AOX1: variants seen among roughly 807,000 people sequenced by gnomAD.
AOX1 encodes aldehyde oxidase 1, also known as aldehyde oxidase.
Under a neutral mutation model 169.5 loss-of-function variants are expected in AOX1, and 153 were observed. The ratio of observed to expected loss-of-function variants is 0.90; its 90% confidence interval spans 0.79 to 1.03. The LOEUF is 1.03. Among genes scored for constraint, AOX1 ranks in the 50% least tolerant of loss-of-function variants. The pLI, the probability that AOX1 is intolerant of heterozygous loss-of-function variation, is 0.00. For missense variants in AOX1, 1,656 were observed against 1,663.9 expected, an observed-to-expected ratio of 1.00 and a Z score of 0.08; for synonymous variants, 562 against 581.9, an observed-to-expected ratio of 0.97 and a Z score of 0.49.
intron 25 of AOX1, among the ~76,000 whole-genome samples, chr2:200,650,012 G>T (rs1467309249): frequency 3.3e-5 from 5 of 152,136 alleles, no homozygotes; most frequent in African/African-American, 1.2e-4. Context: ...CTCTGCTCAT[G>T]CCCCAGCAGT....
Position 200,638,230 on chromosome 2 carries a change from T to G in AOX1, c.2496T>G (p.Val832=). Residue 832 remains valine, a synonymous_variant, in exon 23 of 35, where the codon GTT becomes GTG. Coordinates refer to ENST00000374700, the MANE Select transcript of AOX1 (RefSeq NM_001159.4). ...AFAANKHGRA[V]RCVLERGEDM... is the part of the protein sequence containing the mutation. ...TCTGTTTTAGACATGGCCGTGCAGTTCGCTGTGTTCTGGAACGAGGAGAAG... is the reference window on the plus strand; with the variant it reads ...TCTGTTTTAGACATGGCCGTGCAGTGCGCTGTGTTCTGGAACGAGGAGAAG... 6.2e-7 allele frequency: 1 copy of G among 1,613,634 alleles called. No individual in the cohort carries two copies. Among genetic ancestry groups the G allele is most frequent in the Non-Finnish European group, 8.5e-7 (1 of 1,179,620 alleles).
chr2:200,663,581 C>T (rs973111668), intron 31 of AOX1, among the ~76,000 whole-genome samples: 1 of 149,164 alleles, frequency 6.7e-6, no homozygotes, highest in African/African-American at 2.5e-5. Flanking sequence ...CACTCTCTCT[C>T]TCTCTCTCTC....
chr2:200,638,246 C>CGAGGAGAAGACATGTTAATAACTGGAG lies in AOX1; in HGVS notation c.2514_2540dup (p.Gly839_Gly847dup). On this transcript the variant is annotated inframe_insertion, in exon 23 of 35. Transcript: ENST00000374700. The stretch of plus-strand genomic sequence containing the variant: ...CCGTGCAGTTCGCTGTGTTCTGGAA[C>CGAGGAGAAGACATGTTAATAACTGGAG]GAGGAGAAGACATGTTAATAACTGG... 1 of 1,613,520 alleles carries CGAGGAGAAGACATGTTAATAACTGGAG rather than the reference C, an allele frequency of 6.2e-7. No individual in the cohort carries two copies. Among genetic ancestry groups the CGAGGAGAAGACATGTTAATAACTGGAG allele is most frequent in the Non-Finnish European group, 8.5e-7 (1 of 1,179,654 alleles).
chr2:200,614,025 G>A (rs2105713090), intron 15 of AOX1, 59 bp downstream of exon 15: 12 of 1,507,536 alleles, frequency 8.0e-6, no homozygotes, highest in Non-Finnish European at 1.0e-5. Context: ...GACACCAAAA[G>A]TAGAGGCAAT....
At chr2:200,638,078 G>C in intron 22 of AOX1, 137 bp from the exon 23 acceptor site, 1 of 688,248 alleles carries the variant, frequency 1.5e-6, no homozygotes, top group Non-Finnish European at 2.5e-6. Context: ...GATCAGCAGA[G>C]GATAGGCATG....
At position 200,608,937 on chromosome 2, in the gene AOX1, G is replaced by C. The variant is rs886786724; in HGVS notation, c.908-47G>C. Reference sequence around the variant, plus strand: ...AGCTTTGGTCTAATGGACATTTTCAGATCAGCAGTGATCGCACTGTGTTAT... The same window carrying C: ...AGCTTTGGTCTAATGGACATTTTCACATCAGCAGTGATCGCACTGTGTTAT... On this transcript the variant is annotated intron_variant, in intron 10 of 34. Transcript: ENST00000374700. The C allele has an allele frequency of 2.6e-6, 4 of 1,568,010 alleles. No homozygotes were observed. The African/African-American group carries it at 5.4e-5, about 21-fold the overall frequency.
chr2:200,610,716 G>C (rs1251083257), intron 12 of AOX1, among the ~76,000 whole-genome samples: 5 of 152,070 alleles, frequency 3.3e-5, no homozygotes, highest in African/African-American at 9.7e-5. Context: ...TATCAAAAGA[G>C]ATATTAATAT....
In AOX1 at chr2:200,612,813, G is replaced by A. The variant is rs866894240; in HGVS notation, c.1448+20G>A. On this transcript the variant is annotated intron_variant, in intron 14 of 34. Transcript: ENST00000374700. The stretch of plus-strand genomic sequence containing the variant: ...TGGAAGGTAAGGCATTAGAAGTAAG[G>A]GCTCCTCTAATACTTGTCCTTAGAC... 2.5e-6 allele frequency: 4 copies of A among 1,607,078 alleles called. No homozygotes were observed. In the African/African-American group the frequency reaches 4.0e-5, roughly 16 times the overall value.
intron 2 of AOX1, 101 bp from the exon 3 acceptor site, chr2:200,595,171 C>G: frequency 1.5e-6 from 1 of 679,598 alleles, no homozygotes. Flanking sequence ...TTGAACTTAA[C>G]TAACATTTAA....
rs73051023 is a variant in AOX1 at position 200,649,346 on chromosome 2, G to A, written c.2848-1628G>A. Among the ~76,000 whole-genome samples, 501 of 152,164 alleles carry A rather than the reference G, an allele frequency of 3.3e-3. 7 individuals are homozygous for A. Among genetic ancestry groups the A allele is most frequent in the African/African-American group, 0.012 (487 of 41,512 alleles). On this transcript the variant is annotated intron_variant, in intron 25 of 34. Coordinates refer to ENST00000374700, the MANE Select transcript of AOX1 (RefSeq NM_001159.4). ...AATTGTCTCAGCTTCAGGTAAAGTC[G>A]GAATCTTCTCCTGCAAACAGAATTT...
intron 20 of AOX1, among the ~76,000 whole-genome samples, chr2:200,633,030 G>A (rs1161484409): frequency 2.0e-5 from 3 of 151,872 alleles, no homozygotes; most frequent in Admixed American, 6.6e-5. Context: ...CTGAGTAGCT[G>A]GGATTACAGG....
At chr2:200,617,880 T>G (rs1183083266) in intron 16 of AOX1, among the ~76,000 whole-genome samples, 2 of 152,200 alleles carry the variant, frequency 1.3e-5, no homozygotes, top group Non-Finnish European at 2.9e-5. Context: ...TCCTACCATC[T>G]GCAACATATG....
At chr2:200,622,165 C>T (rs548806595) in intron 18 of AOX1, among the ~76,000 whole-genome samples, 1 of 152,332 alleles carries the variant, frequency 6.6e-6, no homozygotes, top group South Asian at 2.1e-4. Context: ...AACAAAGTGA[C>T]CTTTATGTAC....
intron 4 of AOX1, 53 bp from the exon 5 acceptor site, chr2:200,599,567 A>T: frequency 1.4e-6 from 2 of 1,435,230 alleles, no homozygotes; most frequent in Non-Finnish European, 1.9e-6. Context: ...CTAATTCATT[A>T]GGCCTGGGAT....
Position 200,605,601 on chromosome 2 carries a change from C to G in AOX1, c.880C>G (p.Leu294Val). 6.4e-7 allele frequency: 1 copy of G among 1,563,468 alleles called. No homozygotes were observed. Among genetic ancestry groups the G allele is most frequent in the Non-Finnish European group, 8.7e-7 (1 of 1,154,836 alleles). ...AATTTCTCCTGATAGAATTGAAGAA[C>G]TGAGTGTTGTAAACCATGCATATAA... ...VIISPDRIEE[L>V]SVVNHAYNGL... The change falls in exon 10 of 35, where the codon CTG becomes GTG. Residue 294 changes from leucine (L) to valine (V), a missense_variant. By Grantham distance (32) the Leu-to-Val change is conservative. Coordinates refer to ENST00000374700, the MANE Select transcript of AOX1 (RefSeq NM_001159.4).
intron 3 of AOX1, among the ~76,000 whole-genome samples, chr2:200,596,046 T>G (rs1281340234): frequency 3.3e-5 from 5 of 152,194 alleles, no homozygotes; most frequent in Admixed American, 3.3e-4. Context: ...GCATTATCTC[T>G]TCAAATATTT....
intron 32 of AOX1, among the ~76,000 whole-genome samples, chr2:200,668,207 G>C (rs2035958435): frequency 6.6e-6 from 1 of 151,808 alleles, no homozygotes; most frequent in Admixed American, 6.6e-5. Context: ...CCAGGTTCAA[G>C]CGATTCTCCT....
In AOX1 at chr2:200,634,929, A is replaced by G. The variant is rs760921849; in HGVS notation, c.2346+14A>G. ...AAATATATACAGGTAACATGGGGCC[A>G]TTGTGGAGAGGACATGGCTAAATGA... On this transcript the variant is annotated intron_variant, in intron 21 of 34. Transcript: ENST00000374700. 6.2e-7 allele frequency: 1 copy of G among 1,613,552 alleles called. No individual in the cohort carries two copies. Among genetic ancestry groups the G allele is most frequent in the South Asian group, 1.1e-5 (1 of 90,974 alleles).
intron 3 of AOX1, among the ~76,000 whole-genome samples, chr2:200,597,159 G>A (rs1051413354): frequency 2.6e-5 from 4 of 152,138 alleles, no homozygotes; most frequent in Non-Finnish European, 5.9e-5. Context: ...GAATTAGGAG[G>A]CGTAATTTTA....
Sources: allele counts gnomAD v4.1 joint callset (sites outside exome capture counted in the v4.1 genomes callset), GRCh38; gene constraint gnomAD v4.1.1; transcripts MANE v1.5; gene names NCBI Gene and HGNC (gene_info 2026-07-23, HGNC 2026-07-21).